The following GABRB3 variants were observed in gnomAD, a reference collection of about 807,000 sequenced individuals.
GABRB3 encodes the protein gamma-aminobutyric acid receptor subunit beta-3.
GABRB3 carries 14 observed loss-of-function variants against 52.1 expected under a neutral mutation model. The observed-to-expected ratio is 0.27, with a 90% confidence interval of 0.18 to 0.42. The LOEUF is 0.42. Ranked by LOEUF, GABRB3 falls within the 10% of genes least tolerant of loss-of-function variation. The pLI is 1.00. For missense variants in GABRB3, 307 were observed against 609.1 expected, an observed-to-expected ratio of 0.50 and a Z score of 5.22; for synonymous variants, 260 against 232.3, an observed-to-expected ratio of 1.12 and a Z score of -1.08.
intron 8 of GABRB3, 73 bp from the exon 9 acceptor site, chr15:26,548,207 G>A: frequency 8.7e-7 from 1 of 1,146,044 alleles, no homozygotes; most frequent in Admixed American, 1.7e-5. Flanking sequence ...CGGACAGAAT[G>A]ATGTCATGCC....
chr15:26,766,079 C>G (rs1419594020), intron 3 of GABRB3, among the ~76,000 whole-genome samples: 1 of 152,154 alleles, frequency 6.6e-6, no homozygotes, highest in African/African-American at 2.4e-5. Flanking sequence ...TGACATAATA[C>G]CTGAAGCATT....
At position 26,763,607 on chromosome 15, in the gene GABRB3, T is replaced by TAC. The variant is rs150301275; in HGVS notation, c.240+8793_240+8794dup. Among the ~76,000 whole-genome samples, 903 of 145,948 alleles carry TAC rather than the reference T, an allele frequency of 6.2e-3. 5 individuals carry two copies. Among genetic ancestry groups the TAC allele is most frequent in the African/African-American group, 0.016 (611 of 39,192 alleles). On this transcript the variant is annotated intron_variant, in intron 3 of 8. Transcript: ENST00000311550. ...CACAACCATTTTTGGTCTGCATAGA[T>TAC]ACACACACACACACACACACACACA...
intron 3 of GABRB3, among the ~76,000 whole-genome samples, chr15:26,727,323 C>A (rs1595554314): frequency 6.6e-6 from 1 of 152,102 alleles, no homozygotes; most frequent in Non-Finnish European, 1.5e-5. Flanking sequence ...ATGTATATAT[C>A]TATTTAATTA....
At chr15:26,641,003 T>G (rs1017205367) in intron 3 of GABRB3, among the ~76,000 whole-genome samples, 2 of 152,198 alleles carry the variant, frequency 1.3e-5, no homozygotes, top group Non-Finnish European at 2.9e-5. Flanking sequence ...TCGCTTAAAA[T>G]GTACAGGATG....
In GABRB3 at chr15:26,580,793, A is replaced by G. The variant is rs1045279575; in HGVS notation, c.545-337T>C. On this transcript the variant is annotated intron_variant, in intron 5 of 8. Coordinates refer to ENST00000311550, the MANE Select transcript of GABRB3 (RefSeq NM_000814.6). The stretch of plus-strand genomic sequence containing the variant: ...ATGTATCTCAACTGCAATGAATAAG[A>G]TAGTTTTAAGAGAATGAGAATTGAA... 4.9e-5 allele frequency: 19 copies of G among 389,722 alleles called. No individual in the cohort carries two copies. The East Asian group carries it at 8.9e-4, about 18-fold the overall frequency. The allele number at this position is 389,722 out of a possible 1,614,324, so 24.1% of individuals were successfully genotyped here. A position where few individuals can be genotyped will look rare whatever the true frequency, so the allele number is the denominator to read the frequency against.
In GABRB3 at chr15:26,554,191, C is replaced by CATATATATATATATATA. The variant is rs1567097873; in HGVS notation, c.1081-6058_1081-6057insTATATATATATATATAT. On this transcript the variant is annotated intron_variant, in intron 8 of 8. Transcript: ENST00000311550. Reference sequence around the variant, plus strand: ...TATATATAAAGTATATATATATATACTATATATATATATATATAGTAGAAA... The same window carrying CATATATATATATATATA: ...TATATATAAAGTATATATATATATACATATATATATATATATATATATATATATATATATAGTAGAAA... 4.8e-3 allele frequency among the ~76,000 whole-genome samples: 75 copies of CATATATATATATATATA among 15,586 alleles called. 5 individuals carry two copies. The highest frequency in any genetic ancestry group is 0.011 in the African/African-American group (72 of 6,498). The allele number at this position is 15,586 out of a possible 152,430, so 10.2% of individuals were successfully genotyped here.
At chr15:26,745,969 G>A (rs967074577) in intron 3 of GABRB3, among the ~76,000 whole-genome samples, 1 of 152,162 alleles carries the variant, frequency 6.6e-6, no homozygotes, top group African/African-American at 2.4e-5. Context: ...ATGCCACAGA[G>A]TGCAATTGCT....
chr15:26,554,304 C>T (rs560452056), intron 8 of GABRB3, among the ~76,000 whole-genome samples: 2 of 148,176 alleles, frequency 1.3e-5, no homozygotes, highest in African/African-American at 2.5e-5. Context: ...GCTGGGATTA[C>T]AGGCTTGAGC....
chr15:26,619,199 C>T (rs1313144168), intron 4 of GABRB3, among the ~76,000 whole-genome samples: 1 of 151,946 alleles, frequency 6.6e-6, no homozygotes, highest in East Asian at 1.9e-4. Flanking sequence ...AATCATGCTG[C>T]TATAAAGACA....
At chr15:26,772,654 C>G in intron 2 of GABRB3, 27 bp downstream of exon 2, 1 of 1,538,850 alleles carries the variant, frequency 6.5e-7, no homozygotes, top group Non-Finnish European at 8.8e-7. Flanking sequence ...TCGCGCTTCC[C>G]GCAACGGCCG....
At chr15:26,721,088 G>A (rs1361337158) in intron 3 of GABRB3, among the ~76,000 whole-genome samples, 1 of 152,022 alleles carries the variant, frequency 6.6e-6, no homozygotes, top group African/African-American at 2.4e-5. Context: ...CTCCCTGAGG[G>A]GACCTGAAAA....
In GABRB3 at chr15:26,737,300, G is replaced by C. The variant is rs1486462710; in HGVS notation, c.240+35102C>G. ...CAAGACTGAGCATGGAAAACAAGAG[G>C]ACTGCACAGTCAACCACCAAAGTGA... On this transcript the variant is annotated intron_variant, in intron 3 of 8. Coordinates refer to ENST00000311550, the MANE Select transcript of GABRB3 (RefSeq NM_000814.6). 1.3e-5 allele frequency among the ~76,000 whole-genome samples: 2 copies of C among 152,204 alleles called. 1 individual carries two copies.
intron 3 of GABRB3, among the ~76,000 whole-genome samples, chr15:26,640,225 A>G (rs925873370): frequency 2.4e-4 from 36 of 152,198 alleles, no homozygotes; most frequent in African/African-American, 8.2e-4. Context: ...GATTTAAAGT[A>G]TCAAAACGTT....
chr15:26,554,189 T>TAA (rs1346521870), intron 8 of GABRB3, among the ~76,000 whole-genome samples: 3 of 27,362 alleles, frequency 1.1e-4, no homozygotes, highest in African/African-American at 3.4e-4. Context: ...TATATATATA[T>TAA]ACTATATATA....
intron 4 of GABRB3, among the ~76,000 whole-genome samples, chr15:26,603,041 G>A (rs951454167): frequency 2.0e-5 from 3 of 151,714 alleles, no homozygotes; most frequent in East Asian, 1.9e-4. Flanking sequence ...AAAAGAGAGG[G>A]AAGATGAAAA....
intron 6 of GABRB3, among the ~76,000 whole-genome samples, chr15:26,571,351 T>C (rs1162933239): frequency 6.6e-6 from 1 of 152,230 alleles, no homozygotes; most frequent in Non-Finnish European, 1.5e-5. Context: ...TCTGCAACAC[T>C]GTTGGCCTCT....
rs112942000 is a variant in GABRB3, at chr15:26,654,957, C to T, written c.241-33423G>A. 6.5e-3 allele frequency among the ~76,000 whole-genome samples: 983 copies of T among 152,142 alleles called. 8 individuals are homozygous for T. Among genetic ancestry groups the T allele is most frequent in the African/African-American group, 0.023 (954 of 41,532 alleles). The stretch of plus-strand genomic sequence containing the variant: ...AGCTTATCCTCCCACCTCACTCTCC[C>T]GAGTAGCTAAGACTGTCACCATGCC... On this transcript the variant is annotated intron_variant, in intron 3 of 8. Transcript: ENST00000311550.
At chr15:26,763,607 T>TACACACACAAACAC (rs1555383194) in intron 3 of GABRB3, among the ~76,000 whole-genome samples, 1 of 145,856 alleles carries the variant, frequency 6.9e-6, no homozygotes, top group African/African-American at 2.6e-5. Flanking sequence ...TCTGCATAGA[T>TACACACACAAACAC]ACACACACAC....
chr15:26,699,846 A>T (rs1888869415), intron 3 of GABRB3, among the ~76,000 whole-genome samples: 1 of 152,202 alleles, frequency 6.6e-6, no homozygotes, highest in East Asian at 1.9e-4. Flanking sequence ...CTGCTTAAAT[A>T]AGAAATATTT....
Sources: gnomAD v4.1 joint callset for allele counts (sites outside exome capture counted in the v4.1 genomes callset) on GRCh38, gnomAD v4.1.1 for gene constraint, MANE v1.5 for transcripts, NCBI Gene and HGNC (gene_info 2026-07-23, HGNC 2026-07-21) for gene names.